The following BCL7A variants were observed in gnomAD, a reference collection of about 807,000 sequenced individuals.
BCL7A encodes the protein B-cell CLL/lymphoma 7 protein family member A.
In BCL7A, 11 loss-of-function variants were observed where a neutral mutation model predicts 28.4. That is an observed-to-expected ratio of 0.39 (90% CI 0.24 to 0.64). The LOEUF (loss-of-function observed/expected upper bound fraction) is 0.64. Ranked by LOEUF, BCL7A falls within the 30% of genes least tolerant of loss-of-function variation. The pLI is 0.50. For missense variants in BCL7A, 222 were observed against 274.8 expected (o/e 0.81, Z 1.36); for synonymous variants, 123 against 103.3 (o/e 1.19, Z -1.15).
At chr12:122,026,280 A>G (rs1017948348) in intron 1 of BCL7A, among the ~76,000 whole-genome samples, 8 of 150,632 alleles carry the variant, frequency 5.3e-5, no homozygotes, top group South Asian at 4.2e-4. Context: ...AAAAAAAAAA[A>G]AAAAAGAAAA....
intron 2 of BCL7A, among the ~76,000 whole-genome samples, chr12:122,034,156 C>G (rs936978027): frequency 1.8e-4 from 26 of 142,564 alleles, no homozygotes; most frequent in Non-Finnish European, 2.2e-4. Flanking sequence ...CTTTGCTTAC[C>G]ACTGGTGGTG....
At chr12:122,054,686 G>T in intron 4 of BCL7A, 119 bp from the exon 5 acceptor site, 1 of 975,226 alleles carries the variant, frequency 1.0e-6, no homozygotes, top group Non-Finnish European at 1.5e-6. Context: ...GCTCATTGTA[G>T]CCTTCAAAGA....
At chr12:122,052,873 G>A (rs1479040950) in intron 4 of BCL7A, among the ~76,000 whole-genome samples, 4 of 137,434 alleles carry the variant, frequency 2.9e-5, no homozygotes, top group Non-Finnish European at 4.7e-5. Flanking sequence ...TTAGTCGGGG[G>A]GGGGGGGGGG....
At chr12:122,039,345 TAGC>T (rs1418389289) in intron 3 of BCL7A, among the ~76,000 whole-genome samples, 1 of 147,320 alleles carries the variant, frequency 6.8e-6, no homozygotes, top group African/African-American at 2.5e-5. Context: ...AAATTTAAAT[TAGC>T]AGGTTGTGGT....
At chr12:122,045,018 T>G (rs1029217357) in intron 4 of BCL7A, among the ~76,000 whole-genome samples, 3 of 152,032 alleles carry the variant, frequency 2.0e-5, no homozygotes, top group African/African-American at 4.8e-5. Flanking sequence ...ACTGGGCGAC[T>G]GAGCAAGCCA....
intron 1 of BCL7A, among the ~76,000 whole-genome samples, chr12:122,027,193 G>A (rs1883647580): frequency 6.6e-6 from 1 of 152,244 alleles, no homozygotes; most frequent in Non-Finnish European, 1.5e-5. Context: ...GGGGCAAGCT[G>A]TCGCTCCCTG....
chr12:122,025,039 T>C (rs1883585512), intron 1 of BCL7A, among the ~76,000 whole-genome samples: 1 of 151,930 alleles, frequency 6.6e-6, no homozygotes, highest in East Asian at 2.0e-4. Flanking sequence ...TTTCTGGTGT[T>C]TCAGCAAGGC....
intron 4 of BCL7A, among the ~76,000 whole-genome samples, chr12:122,049,059 TAC>T (rs1438235411): frequency 9.5e-6 from 1 of 105,530 alleles, no homozygotes; most frequent in Non-Finnish European, 1.9e-5. Context: ...TATATACATA[TAC>T]ACACACACAA....
chr12:122,022,312 T>C, intron 1 of BCL7A, 129 bp downstream of exon 1: 1 of 414,820 alleles, frequency 2.4e-6, no homozygotes, highest in African/African-American at 2.3e-5. Flanking sequence ...CCCCGGGACT[T>C]GGCGAGGGCG....
intron 4 of BCL7A, among the ~76,000 whole-genome samples, chr12:122,048,421 T>C (rs905143478): frequency 2.0e-5 from 3 of 152,002 alleles, no homozygotes; most frequent in African/African-American, 7.3e-5. Flanking sequence ...CAGGAATGCT[T>C]CTTGGAGGAG....
intron 1 of BCL7A, among the ~76,000 whole-genome samples, chr12:122,027,004 G>A (rs1462633659): frequency 6.6e-6 from 1 of 152,238 alleles, no homozygotes; most frequent in Non-Finnish European, 1.5e-5. Context: ...GTAATGGGAA[G>A]GGAAAGGTGT....
At chr12:122,026,027 T>A (rs542432231) in intron 1 of BCL7A, among the ~76,000 whole-genome samples, 15 of 150,860 alleles carry the variant, frequency 9.9e-5, no homozygotes, top group Non-Finnish European at 1.5e-4. Flanking sequence ...CCCAGCACTT[T>A]AGGAGGCCGA....
chr12:122,035,466 C>A, intron 3 of BCL7A, 39 bp downstream of exon 3: 1 of 1,569,278 alleles, frequency 6.4e-7, no homozygotes. Context: ...CTGCCCAGCC[C>A]GGGGCCTTGG....
At chr12:122,025,714 G>A (rs1257793880) in intron 1 of BCL7A, among the ~76,000 whole-genome samples, 1 of 151,598 alleles carries the variant, frequency 6.6e-6, no homozygotes, top group Non-Finnish European at 1.5e-5. Flanking sequence ...GGGAGGCCGA[G>A]GCAGGCAGGT....
chr12:122,030,281 T>A (rs1883713983), intron 1 of BCL7A, among the ~76,000 whole-genome samples: 1 of 152,174 alleles, frequency 6.6e-6, no homozygotes, highest in Non-Finnish European at 1.5e-5. Context: ...CCCCGGGGTG[T>A]CCTTGGTGAC....
intron 1 of BCL7A, among the ~76,000 whole-genome samples, chr12:122,023,114 G>A (rs1883510870): frequency 6.6e-6 from 1 of 152,358 alleles, no homozygotes; most frequent in African/African-American, 2.4e-5. Flanking sequence ...GACATTAAGG[G>A]GATCGAACCT....
chr12:122,037,977 T>G (rs1171001017), intron 3 of BCL7A, among the ~76,000 whole-genome samples: 1 of 150,948 alleles, frequency 6.6e-6, no homozygotes, highest in Admixed American at 6.6e-5. Context: ...AAAAATTAGC[T>G]GGGTGTAGTG....
At chr12:122,038,062 A>C (rs1883891128) in intron 3 of BCL7A, among the ~76,000 whole-genome samples, 1 of 151,846 alleles carries the variant, frequency 6.6e-6, no homozygotes, top group African/African-American at 2.4e-5. Flanking sequence ...CAGAAGCTGC[A>C]GTGAGCCGAG....
Position 122,040,024 on chromosome 12 carries a change from G to T in BCL7A, c.272-3862G>T, listed in dbSNP as rs533339174. ...CTATAATAAAAATTTTAAAAACCTT[G>T]GCATGTTAACAGCTCACATTTATGA... On this transcript the variant is annotated intron_variant, in intron 3 of 5. Transcript: ENST00000261822. 7.0e-4 allele frequency among the ~76,000 whole-genome samples: 106 copies of T among 152,106 alleles called. 2 individuals carry two copies. Among genetic ancestry groups the T allele is most frequent in the African/African-American group, 2.4e-3 (101 of 41,472 alleles).
Sources: gnomAD v4.1 joint callset for allele counts (sites outside exome capture counted in the v4.1 genomes callset) on GRCh38, gnomAD v4.1.1 for gene constraint, MANE v1.5 for transcripts, NCBI Gene and HGNC (gene_info 2026-07-23, HGNC 2026-07-21) for gene names.